The following GGACT variants were observed in gnomAD, a reference collection of about 807,000 sequenced individuals.
The protein encoded by GGACT is gamma-glutamylaminecyclotransferase.
For synonymous variants in GGACT, 118 were observed against 115.3 expected (o/e 1.02, Z -0.15); for missense variants, 241 against 233.2 (o/e 1.03, Z -0.22).
At chr13:100,557,944 G>A (rs576326645) in intron 2 of GGACT, among the ~76,000 whole-genome samples, 2 of 152,262 alleles carry the variant, frequency 1.3e-5, no homozygotes, top group African/African-American at 4.8e-5. Flanking sequence ...AGCACTTTGG[G>A]AGGCCGAGGC....
intron 2 of GGACT, chr13:100,538,467 A>T (rs1433096206): frequency 6.6e-6 from 1 of 152,268 alleles, no homozygotes; most frequent in Non-Finnish European, 1.5e-5. Flanking sequence ...CATAAAATTT[A>T]TCATAACTAT....
At chr13:100,570,444 A>C (rs571437849) in intron 2 of GGACT, among the ~76,000 whole-genome samples, 7 of 152,262 alleles carry the variant, frequency 4.6e-5, no homozygotes, top group African/African-American at 1.7e-4. Flanking sequence ...AAACCATCAG[A>C]TCTCATGAGA....
At chr13:100,587,215 C>G (rs532418160) in intron 1 of GGACT, 1 of 152,140 alleles carries the variant, frequency 6.6e-6, no homozygotes, top group Non-Finnish European at 1.5e-5. Flanking sequence ...CAAGAATGGA[C>G]ACAGATTGGA....
intron 2 of GGACT, among the ~76,000 whole-genome samples, chr13:100,569,868 G>A (rs1340941938): frequency 1.3e-5 from 2 of 152,196 alleles, no homozygotes; most frequent in Non-Finnish European, 2.9e-5. Context: ...TAGGGCAGGG[G>A]CAAAATGCCG....
Position 100,530,524 on chromosome 13 carries a change from T to A in GGACT, c.*1606A>T. ...ACTACCAGCATTTCTTTGTGATCCTTTTAAGAGATTGATATAAATGTCAGT... is the reference window on the plus strand; with the variant it reads ...ACTACCAGCATTTCTTTGTGATCCTATTAAGAGATTGATATAAATGTCAGT... On this transcript the variant is annotated 3_prime_UTR_variant, in exon 3 of 3. Coordinates refer to ENST00000683975, the MANE Select transcript of GGACT (RefSeq NM_001195087.2). 2.6e-6 allele frequency: 1 copy of A among 378,164 alleles called. No individual in the cohort carries two copies. Among genetic ancestry groups the A allele is most frequent in the East Asian group, 6.3e-5 (1 of 15,782 alleles). 23.4% of individuals were successfully genotyped at this position (378,164 alleles called of 1,614,324 possible).
At chr13:100,565,857 G>A (rs1329332513) in intron 2 of GGACT, among the ~76,000 whole-genome samples, 1 of 152,110 alleles carries the variant, frequency 6.6e-6, no homozygotes, top group Non-Finnish European at 1.5e-5. Flanking sequence ...TCCAAGCATG[G>A]GTTTAGTGAC....
chr13:100,562,026 G>A (rs1014820918), intron 2 of GGACT, among the ~76,000 whole-genome samples: 3 of 152,222 alleles, frequency 2.0e-5, no homozygotes, highest in Non-Finnish European at 4.4e-5. Flanking sequence ...GGGTTCGAAA[G>A]GACCAGATTC....
At chr13:100,540,260 G>A (rs1295391280) in intron 2 of GGACT, 33 of 1,219,176 alleles carry the variant, frequency 2.7e-5, no homozygotes, top group East Asian at 4.6e-5. Flanking sequence ...TTGGAGGCAC[G>A]GACCGGAGAG....
intron 2 of GGACT, among the ~76,000 whole-genome samples, chr13:100,564,924 C>T (rs2088798003): frequency 6.6e-6 from 1 of 152,180 alleles, no homozygotes; most frequent in African/African-American, 2.4e-5. Context: ...ATTTTAACCA[C>T]ACTCCAGACC....
chr13:100,542,292 T>C (rs1258160968), intron 2 of GGACT, among the ~76,000 whole-genome samples: 1 of 152,178 alleles, frequency 6.6e-6, no homozygotes, highest in Non-Finnish European at 1.5e-5. Flanking sequence ...GTAGGGTTTG[T>C]TTCATGGGAC....
intron 2 of GGACT, among the ~76,000 whole-genome samples, chr13:100,542,228 C>T (rs1305960160): frequency 6.6e-6 from 1 of 152,190 alleles, no homozygotes; most frequent in African/African-American, 2.4e-5. Flanking sequence ...GAAGAGCAAC[C>T]CCGGGTGCAC....
In GGACT at chr13:100,574,877, TA is replaced by T. The variant is rs912653499; in HGVS notation, c.-11+8947del. Reference sequence around the variant, plus strand: ...ATATATAAATCATACTTATGTGTATTAAAAAAAAAAGAGACAGAAATCTATC... The same window carrying T: ...ATATATAAATCATACTTATGTGTATTAAAAAAAAAGAGACAGAAATCTATC... On this transcript the variant is annotated intron_variant, in intron 2 of 2. Transcript: ENST00000683975. Among the ~76,000 whole-genome samples the T allele has an allele frequency of 3.5e-3, 519 of 148,356 alleles. 3 individuals carry two copies. Among genetic ancestry groups the T allele is most frequent in the African/African-American group, 0.012 (478 of 40,544 alleles).
intron 2 of GGACT, among the ~76,000 whole-genome samples, chr13:100,532,804 C>A (rs1162887942): frequency 2.0e-5 from 3 of 152,232 alleles, no homozygotes; most frequent in African/African-American, 7.2e-5. Flanking sequence ...TGACTTTCGG[C>A]CATTTAAACA....
chr13:100,559,356 T>G (rs2088737682), intron 2 of GGACT, among the ~76,000 whole-genome samples: 1 of 151,384 alleles, frequency 6.6e-6, no homozygotes, highest in Non-Finnish European at 1.5e-5. Flanking sequence ...TCCAGCTAAT[T>G]TTTGTATTTT....
At chr13:100,548,837 C>T (rs1227061092) in intron 2 of GGACT, among the ~76,000 whole-genome samples, 1 of 152,270 alleles carries the variant, frequency 6.6e-6, no homozygotes, top group East Asian at 1.9e-4. Flanking sequence ...GGATAGACTG[C>T]AGGCACATCC....
Position 100,545,734 on chromosome 13 carries a change from G to A in GGACT, c.-10-13133C>T, listed in dbSNP as rs1362223707. Among the ~76,000 whole-genome samples the A allele has an allele frequency of 6.6e-6, 1 of 152,230 alleles. No individual in the cohort carries two copies. The highest frequency in any genetic ancestry group is 1.5e-5 in the Non-Finnish European group (1 of 68,040). The stretch of plus-strand genomic sequence containing the variant: ...GTGGAGAGCCCAGGAGTGTGGGATC[G>A]TGGTAGACCCAGGGTGTGGGGCTTT... On this transcript the variant is annotated intron_variant, in intron 2 of 2. Coordinates refer to ENST00000683975, the MANE Select transcript of GGACT (RefSeq NM_001195087.2). The surrounding 1 kb of genome is among the most constrained non-coding windows in gnomAD (Gnocchi z 4.4).
chr13:100,536,284 C>T (rs1566528366), intron 2 of GGACT: 1 of 152,078 alleles, frequency 6.6e-6, no homozygotes, highest in Non-Finnish European at 1.5e-5. Context: ...CTGAATGCTC[C>T]TTATCCTGGA....
chr13:100,541,931 A>G (rs954649501), intron 2 of GGACT: 11 of 152,344 alleles, frequency 7.2e-5, no homozygotes, highest in African/African-American at 2.6e-4. Context: ...GTTTGAGAAC[A>G]CTACTTATGC....
chr13:100,566,545 C>T (rs574679515), intron 2 of GGACT, among the ~76,000 whole-genome samples: 2 of 152,364 alleles, frequency 1.3e-5, no homozygotes, highest in African/African-American at 4.8e-5. Context: ...TGCCCTTTGC[C>T]CCTGGCCTTG....
Sources: gnomAD v4.1 joint callset for allele counts (sites outside exome capture counted in the v4.1 genomes callset) on GRCh38, gnomAD v4.1.1 for gene constraint, Gnocchi (gnomAD v3.1) non-coding constraint, MANE v1.5 for transcripts, NCBI Gene and HGNC (gene_info 2026-07-23, HGNC 2026-07-21) for gene names.